IL34: variants seen among roughly 807,000 people sequenced by gnomAD.
IL34 encodes interleukin 34, also known as interleukin-34.
A neutral mutation model predicts 25.3 loss-of-function variants in IL34; 17 were observed. The observed-to-expected ratio is 0.67, with a 90% CI of 0.46 to 1.01. IL34 has a LOEUF of 1.01. Among genes scored for constraint, IL34 ranks in the 50% least tolerant of loss-of-function variants. IL34 has a pLI of 0.00. For missense variants in IL34, 368 were observed against 312.9 expected (o/e 1.18, Z -1.33); for synonymous variants, 174 against 140.9 (o/e 1.23, Z -1.66).
Position 70,654,586 on chromosome 16 carries a change from T to C in IL34, c.77T>C (p.Met26Thr), listed in dbSNP as rs1410404488. The C allele has an allele frequency of 6.2e-7, 1 of 1,613,672 alleles. No individual in the cohort carries two copies. The highest frequency in any genetic ancestry group is 8.5e-7 in the Non-Finnish European group (1 of 1,179,708). The change falls in exon 2 of 6, where the codon ATG becomes ACG. Residue 26 changes from methionine (M) to threonine (T), a missense_variant. Met to Thr is a moderately conservative substitution (Grantham distance 81, BLOSUM62 -1). Transcript: ENST00000288098. Reference sequence around the variant, plus strand: ...GCCTTGGGGAATGAGCCTTTGGAGATGTGGCCCTTGACGCAGAATGAGGAG... The same window carrying C: ...GCCTTGGGGAATGAGCCTTTGGAGACGTGGCCCTTGACGCAGAATGAGGAG... Reference protein sequence around the residue: ...GVALGNEPLEMWPLTQNEECT... With the variant: ...GVALGNEPLETWPLTQNEECT...
rs768240201 is a variant in IL34 at position 70,654,527 on chromosome 16, G to A, written c.29-11G>A. ...GGGTGCTCATGTGCTCTTGTCGGGT[G>A]TGGTCCACAGATCTTGGGATCTTCC... On this transcript the variant is annotated splice_polypyrimidine_tract_variant and intron_variant, in intron 1 of 5. Coordinates refer to ENST00000288098, the MANE Select transcript of IL34 (RefSeq NM_001393494.1). 3.7e-6 allele frequency: 6 copies of A among 1,603,354 alleles called. No homozygotes were observed. The highest frequency in any genetic ancestry group is 4.3e-6 in the Non-Finnish European group (5 of 1,172,318).
intron 1 of IL34, among the ~76,000 whole-genome samples, chr16:70,614,628 G>A (rs1422696611): frequency 6.6e-6 from 1 of 152,190 alleles, no homozygotes; most frequent in Non-Finnish European, 1.5e-5. Context: ...TCATGATGTT[G>A]TTTGTCCTTA....
At chr16:70,659,285 C>T (rs1391654248) in intron 4 of IL34, among the ~76,000 whole-genome samples, 1 of 152,206 alleles carries the variant, frequency 6.6e-6, no homozygotes, top group Non-Finnish European at 1.5e-5. Context: ...ACAGTTTTCC[C>T]CAGGTCAGGG....
chr16:70,614,207 G>C (rs537092684), intron 1 of IL34, among the ~76,000 whole-genome samples: 2 of 151,242 alleles, frequency 1.3e-5, no homozygotes, highest in Admixed American at 1.3e-4. Context: ...AAGAAGTGCA[G>C]TATCCCAGGC....
At chr16:70,580,956 G>T (rs2050630109) in intron 1 of IL34, among the ~76,000 whole-genome samples, 1 of 151,142 alleles carries the variant, frequency 6.6e-6, no homozygotes, top group African/African-American at 2.4e-5. Context: ...GTGTCGACCA[G>T]GCTGGAGTGC....
intron 1 of IL34, among the ~76,000 whole-genome samples, chr16:70,599,293 C>CTT (rs113794220): frequency 1.7e-3 from 232 of 132,800 alleles, no homozygotes; most frequent in South Asian, 0.012. Context: ...TTCTTTCTTT[C>CTT]TTCTTTCTTT....
chr16:70,639,295 G>A (rs1025730490), intron 1 of IL34, among the ~76,000 whole-genome samples: 2 of 152,220 alleles, frequency 1.3e-5, no homozygotes, highest in Admixed American at 1.3e-4. Context: ...TGTTTGAGAA[G>A]CAGGCATTTG....
rs370863667 is a variant in IL34 at position 70,659,695 on chromosome 16, G to T, written c.480G>T (p.Arg160=). ...NAPGPNLKLV[R]PKALLDNCFR... ...CAGGGCCAAACCTGAAGCTGGTGCGGCCCAAAGCCCTGCTGGACAACTGCT... is the reference window on the plus strand; with the variant it reads ...CAGGGCCAAACCTGAAGCTGGTGCGTCCCAAAGCCCTGCTGGACAACTGCT... The change falls in exon 5 of 6, where the codon CGG becomes CGT. Residue 160 remains arginine, a synonymous_variant. Coordinates refer to ENST00000288098, the MANE Select transcript of IL34 (RefSeq NM_001393494.1). The T allele has an allele frequency of 2.7e-5, 44 of 1,611,872 alleles. No individual in the cohort carries two copies. The highest frequency in any genetic ancestry group is 1.7e-4 in the South Asian group (15 of 90,822).
At chr16:70,594,509 A>T (rs1474461308) in intron 1 of IL34, among the ~76,000 whole-genome samples, 41 of 152,194 alleles carry the variant, frequency 2.7e-4, no homozygotes, top group Admixed American at 2.7e-3. Context: ...CCATTCATCT[A>T]TCCAAAGACA....
upstream of IL34, among the ~76,000 whole-genome samples, chr16:70,642,842 C>T (rs553919276): frequency 6.6e-6 from 1 of 152,006 alleles, no homozygotes; most frequent in African/African-American, 2.4e-5. Context: ...ATAATCAATC[C>T]CATTTATATG....
At chr16:70,580,400 C>T (rs1344770211) in intron 1 of IL34, among the ~76,000 whole-genome samples, 1 of 152,256 alleles carries the variant, frequency 6.6e-6, no homozygotes, top group Non-Finnish European at 1.5e-5. Context: ...CCGTGGGGCG[C>T]TGCTCCACTA....
intron 2 of IL34, 52 bp downstream of exon 2, chr16:70,654,723 C>T: frequency 4.5e-6 from 7 of 1,555,754 alleles, no homozygotes; most frequent in Non-Finnish European, 6.1e-6. Context: ...CGGGGTTCAC[C>T]TGGCATAGGC....
At chr16:70,654,393 C>T (rs1041932668) in intron 1 of IL34, 145 bp from the exon 2 acceptor site, 6 of 1,103,400 alleles carry the variant, frequency 5.4e-6, no homozygotes, top group Non-Finnish European at 6.4e-6. Flanking sequence ...GAAAGCATTC[C>T]AGATCCCGTG....
At chr16:70,598,975 A>G (rs1488212325) in intron 1 of IL34, among the ~76,000 whole-genome samples, 1 of 152,194 alleles carries the variant, frequency 6.6e-6, no homozygotes, top group Admixed American at 6.5e-5. Flanking sequence ...TGAGTGTAAG[A>G]GTCCATCCGG....
At chr16:70,587,094 G>A (rs1405289623) in intron 1 of IL34, among the ~76,000 whole-genome samples, 2 of 152,170 alleles carry the variant, frequency 1.3e-5, no homozygotes, top group Non-Finnish European at 2.9e-5. Flanking sequence ...GCTGGGGTTA[G>A]TCTTGCAACT....
intron 3 of IL34, 30 bp downstream of exon 3, chr16:70,656,709 C>A (rs766134081): frequency 3.7e-6 from 4 of 1,086,538 alleles, no homozygotes; most frequent in Non-Finnish European, 5.7e-6. Flanking sequence ...CTGGGGGGAC[C>A]CTGCCTCCTG....
At chr16:70,620,919 C>T (rs910584082) in intron 1 of IL34, among the ~76,000 whole-genome samples, 11 of 152,028 alleles carry the variant, frequency 7.2e-5, no homozygotes, top group South Asian at 2.1e-4. Context: ...TGGAATCTTA[C>T]GTATAGTGAA....
intron 1 of IL34, among the ~76,000 whole-genome samples, chr16:70,637,847 C>A: frequency 6.6e-6 from 1 of 152,134 alleles, no homozygotes; most frequent in East Asian, 1.9e-4. Context: ...TTTTGCTATG[C>A]TCTATTTAAA....
Position 70,648,846 on chromosome 16 carries a change from C to T in IL34, c.28+1871C>T, listed in dbSNP as rs185736481. ...TGAGATCAGGGTGCCTGCAGGGCTG[C>T]GTTCCCTCTAAAGGTGCCGAGAAGG... On this transcript the variant is annotated intron_variant, in intron 1 of 5. Transcript: ENST00000288098. Among the ~76,000 whole-genome samples, 422 of 152,186 alleles carry T rather than the reference C, an allele frequency of 2.8e-3. 2 individuals carry two copies. The highest frequency in any genetic ancestry group is 9.5e-3 in the African/African-American group (394 of 41,532).
Sources: allele counts gnomAD v4.1 joint callset (sites outside exome capture counted in the v4.1 genomes callset), GRCh38; gene constraint gnomAD v4.1.1; transcripts MANE v1.5; gene names NCBI Gene and HGNC (gene_info 2026-07-23, HGNC 2026-07-21).